Variants in SGK3 observed in about 807,000 individuals in gnomAD.
SGK3 encodes the protein serum/glucocorticoid regulated kinase family member 3, also known as serine/threonine-protein kinase Sgk3.
Under a neutral mutation model 68.5 loss-of-function variants are expected in SGK3, and 47 were observed. The ratio of observed to expected loss-of-function variants is 0.69; its 90% CI spans 0.54 to 0.87. SGK3 has a LOEUF of 0.87. Ranked by LOEUF, SGK3 falls within the 40% of genes least tolerant of loss-of-function variation. The pLI is 0.00. For synonymous variants in SGK3, 181 were observed against 189.1 expected (o/e 0.96, Z 0.35); for missense variants, 479 against 575.5 (o/e 0.83, Z 1.72).
chr8:66,828,296 C>T lies in SGK3; in HGVS notation c.418-358C>T, dbSNP rs79685322. Among the ~76,000 whole-genome samples the T allele has an allele frequency of 3.8e-3, 576 of 152,260 alleles. 4 individuals carry two copies. The highest frequency in any genetic ancestry group is 6.2e-3 in the Non-Finnish European group (422 of 68,010). On this transcript the variant is annotated intron_variant, in intron 6 of 16. Coordinates refer to ENST00000521198, the MANE Select transcript of SGK3 (RefSeq NM_001033578.3). Reference sequence around the variant, plus strand: ...GTTTGAAAACTTGAAAAACAAAAAGCCATTTTTAACCAGTTTTTTAGAAAG... The same window carrying T: ...GTTTGAAAACTTGAAAAACAAAAAGTCATTTTTAACCAGTTTTTTAGAAAG...
Position 66,736,847 on chromosome 8 carries a change from G to C in SGK3, c.-122+24014G>C, listed in dbSNP as rs1392339445. On this transcript the variant is annotated intron_variant, in intron 1 of 16. Coordinates refer to ENST00000521198, the MANE Select transcript of SGK3 (RefSeq NM_001033578.3). ...TTGGTCAGGCTGGTCTTGAACTCCC[G>C]ACCTCAGGTGATCCACCCATCTCAG... Among the ~76,000 whole-genome samples the C allele has an allele frequency of 3.3e-5, 5 of 151,068 alleles. No individual in the cohort carries two copies. The East Asian group carries it at 9.6e-4, about 29-fold the overall frequency.
chr8:66,764,135 T>C (rs933437440), intron 1 of SGK3, among the ~76,000 whole-genome samples: 9 of 152,170 alleles, frequency 5.9e-5, no homozygotes, highest in African/African-American at 2.2e-4. Flanking sequence ...AGTGCTGGGA[T>C]TACAGGCATG....
intron 1 of SGK3, among the ~76,000 whole-genome samples, chr8:66,731,644 C>G (rs1398902911): frequency 1.3e-5 from 2 of 152,146 alleles, no homozygotes; most frequent in African/African-American, 4.8e-5. Context: ...ATGCCATTCT[C>G]CTGCCTCAGC....
intron 1 of SGK3, among the ~76,000 whole-genome samples, chr8:66,734,594 C>T (rs975043391): frequency 3.3e-5 from 5 of 152,038 alleles, no homozygotes; most frequent in African/African-American, 1.2e-4. Flanking sequence ...ACACAGTACT[C>T]CCCCTTATCC....
At chr8:66,726,395 G>C (rs1005842053) in intron 1 of SGK3, among the ~76,000 whole-genome samples, 1 of 151,972 alleles carries the variant, frequency 6.6e-6, no homozygotes, top group Non-Finnish European at 1.5e-5. Flanking sequence ...CTGATAAGGG[G>C]GTAAAAGCTG....
intron 5 of SGK3, among the ~76,000 whole-genome samples, chr8:66,820,335 T>C (rs1329090901): frequency 2.6e-5 from 4 of 152,206 alleles, no homozygotes; most frequent in African/African-American, 9.7e-5. Context: ...CTTTGTTCAT[T>C]TAGCATAATA....
chr8:66,842,503 CACA>C (rs1351528984), intron 13 of SGK3, among the ~76,000 whole-genome samples: 1 of 151,990 alleles, frequency 6.6e-6, no homozygotes, highest in African/African-American at 2.4e-5. Flanking sequence ...TTCTTTAGAT[CACA>C]TAAAAAAGCT....
At chr8:66,731,118 T>G (rs1805138111) in intron 1 of SGK3, among the ~76,000 whole-genome samples, 2 of 152,232 alleles carry the variant, frequency 1.3e-5, no homozygotes, top group Non-Finnish European at 1.5e-5. Context: ...TTTAATTACA[T>G]TTTTGTCAGA....
chr8:66,797,892 G>A (rs1046059826), intron 2 of SGK3, among the ~76,000 whole-genome samples: 2 of 152,142 alleles, frequency 1.3e-5, no homozygotes, highest in Non-Finnish European at 1.5e-5. Flanking sequence ...CAAATAATGA[G>A]CACATGAGTG....
At chr8:66,820,141 G>A (rs1056954370) in intron 5 of SGK3, among the ~76,000 whole-genome samples, 10 of 152,050 alleles carry the variant, frequency 6.6e-5, no homozygotes, top group Non-Finnish European at 1.5e-4. Context: ...TATTCACGAT[G>A]CTTTACAACC....
chr8:66,814,550 A>G (rs572086326), intron 5 of SGK3, among the ~76,000 whole-genome samples: 4 of 152,326 alleles, frequency 2.6e-5, no homozygotes, highest in African/African-American at 9.6e-5. Context: ...ACTGGAGCTG[A>G]GTAGATTTTT....
intron 2 of SGK3, among the ~76,000 whole-genome samples, chr8:66,796,669 GA>G (rs1372612426): frequency 6.6e-6 from 1 of 152,032 alleles, no homozygotes; most frequent in Non-Finnish European, 1.5e-5. Flanking sequence ...TTCTAACAGG[GA>G]AATGTGTTGC....
intron 4 of SGK3, among the ~76,000 whole-genome samples, chr8:66,809,584 GA>G (rs1465463103): frequency 1.3e-5 from 2 of 152,108 alleles, no homozygotes; most frequent in Non-Finnish European, 2.9e-5. Context: ...GAGGTTACGA[GA>G]GTAAATTTAT....
At position 66,835,844 on chromosome 8, in the gene SGK3, G is replaced by A. The variant is rs1809504683; in HGVS notation, c.607G>A (p.Glu203Lys). 6.2e-7 allele frequency: 1 copy of A among 1,610,006 alleles called. No homozygotes were observed. Among genetic ancestry groups the A allele is most frequent in the Non-Finnish European group, 8.5e-7 (1 of 1,179,116 alleles). The change falls in exon 9 of 17, where the codon GAG becomes AAG. Residue 203 changes from glutamate to lysine, a missense_variant and splice_region_variant. Physicochemically the swap from Glu to Lys is moderately conservative, Grantham distance 56. This residue lies in a region of SGK3 where 298 missense variants were observed against 329.4 expected (regional missense o/e 0.90). Coordinates refer to ENST00000521198, the MANE Select transcript of SGK3 (RefSeq NM_001033578.3). ...LQKKIVLNRK[E>K]QKHIMAERNV... The stretch of plus-strand genomic sequence containing the variant: ...GAAAAAAATAGTTCTCAACAGAAAA[G>A]AGGTAAAATAAAATAGTTGTTTCTC...
rs1318897755 is a variant in SGK3 at position 66,860,438 on chromosome 8, G to C, written c.*857G>C. On this transcript the variant is annotated 3_prime_UTR_variant, in exon 17 of 17. Coordinates refer to ENST00000521198, the MANE Select transcript of SGK3 (RefSeq NM_001033578.3). ...CATTGCACTCCTGCCTGGGCAACAAGAGTGAAACTCCATCTCCAAAAAAAA... is the reference window on the plus strand; with the variant it reads ...CATTGCACTCCTGCCTGGGCAACAACAGTGAAACTCCATCTCCAAAAAAAA... The C allele has an allele frequency of 6.6e-6, 1 of 151,734 alleles. No individual in the cohort carries two copies. The highest frequency in any genetic ancestry group is 1.9e-4 in the East Asian group (1 of 5,174). 9.4% of individuals were successfully genotyped at this position (151,734 alleles called of 1,614,324 possible).
At chr8:66,757,228 C>T (rs1307859927) in intron 1 of SGK3, among the ~76,000 whole-genome samples, 2 of 150,880 alleles carry the variant, frequency 1.3e-5, no homozygotes, top group African/African-American at 4.9e-5. Context: ...ACCTCCTTGG[C>T]TCAAGTGATC....
At chr8:66,854,337 T>TA (rs1340275165) in intron 16 of SGK3, among the ~76,000 whole-genome samples, 2 of 152,158 alleles carry the variant, frequency 1.3e-5, no homozygotes, top group African/African-American at 4.8e-5. Flanking sequence ...CATTTCAAAT[T>TA]AGAGGTTCCC....
intron 1 of SGK3, among the ~76,000 whole-genome samples, chr8:66,786,851 T>TACTTAAC: frequency 6.7e-6 from 1 of 149,438 alleles, no homozygotes; most frequent in Non-Finnish European, 1.5e-5. Flanking sequence ...CATAACATCA[T>TACTTAAC]ACTTAACAAA....
At chr8:66,745,338 G>A (rs1045648150) in intron 1 of SGK3, among the ~76,000 whole-genome samples, 1 of 152,174 alleles carries the variant, frequency 6.6e-6, no homozygotes, top group African/African-American at 2.4e-5. Context: ...TTGGGAGGCT[G>A]AGGCAGGTGG....
Sources: gnomAD v4.1 joint callset for allele counts (sites outside exome capture counted in the v4.1 genomes callset) on GRCh38, gnomAD v4.1.1 for gene constraint, gnomAD v4.1.1 regional missense constraint, MANE v1.5 for transcripts, NCBI Gene and HGNC (gene_info 2026-07-23, HGNC 2026-07-21) for gene names.